The following SLC35F4 variants were observed in gnomAD, a reference collection of about 807,000 sequenced individuals.
SLC35F4 encodes chromosome 14 open reading frame 36.
SLC35F4 carries 24 observed loss-of-function variants against 44.2 expected under a neutral mutation model. The ratio of observed to expected loss-of-function variants is 0.54; its 90% CI spans 0.39 to 0.76. The LOEUF (loss-of-function observed/expected upper bound fraction) is 0.76, where lower values mean the gene tolerates loss of function less well. SLC35F4 is among the 30% of genes least tolerant of loss of function. The probability of loss-of-function intolerance (pLI) is 0.00; values close to 1 mark genes in which losing one functional copy is unlikely to be tolerated. For missense variants in SLC35F4, 562 were observed against 586.1 expected (o/e 0.96, Z 0.42); for synonymous variants, 238 against 223.6 (o/e 1.06, Z -0.57).
At chr14:57,856,101 G>A (rs895064721) in intron 1 of SLC35F4, among the ~76,000 whole-genome samples, 23 of 151,894 alleles carry the variant, frequency 1.5e-4, no homozygotes, top group African/African-American at 5.6e-4. Flanking sequence ...CCGCCTCCCA[G>A]GTTCAAGTGA....
chr14:57,709,293 G>A (rs1450487637), intron 1 of SLC35F4, among the ~76,000 whole-genome samples: 2 of 152,184 alleles, frequency 1.3e-5, no homozygotes, highest in African/African-American at 4.8e-5. Context: ...ATTACCGCTA[G>A]ACCAAGGAGC....
At chr14:57,906,785 T>C (rs971845013) in intron 1 of SLC35F4, among the ~76,000 whole-genome samples, 3 of 152,238 alleles carry the variant, frequency 2.0e-5, no homozygotes. Context: ...AAAAATTATA[T>C]GTATTTGGAA....
At chr14:57,736,799 C>G (rs953452459) in intron 1 of SLC35F4, among the ~76,000 whole-genome samples, 2 of 152,178 alleles carry the variant, frequency 1.3e-5, no homozygotes, top group African/African-American at 4.8e-5. Context: ...TTGGCTACTG[C>G]TAACCAGTGA....
intron 1 of SLC35F4, among the ~76,000 whole-genome samples, chr14:57,774,922 T>G (rs1488642811): frequency 6.6e-6 from 1 of 151,856 alleles, no homozygotes; most frequent in Non-Finnish European, 1.5e-5. Context: ...GCTGCCAGCA[T>G]AAGTGCACTC....
intron 1 of SLC35F4, among the ~76,000 whole-genome samples, chr14:57,857,552 C>T (rs1452460351): frequency 2.0e-5 from 3 of 151,864 alleles, no homozygotes; most frequent in South Asian, 2.1e-4. Context: ...ATATTTCATT[C>T]GTTAGCACAA....
At chr14:57,740,050 G>C (rs1466658046) in intron 1 of SLC35F4, among the ~76,000 whole-genome samples, 1 of 152,044 alleles carries the variant, frequency 6.6e-6, no homozygotes, top group Non-Finnish European at 1.5e-5. Context: ...AGTACAGATG[G>C]GGTTTCGTCA....
intron 1 of SLC35F4, among the ~76,000 whole-genome samples, chr14:57,961,875 T>C (rs540046830): frequency 6.6e-6 from 1 of 152,298 alleles, no homozygotes; most frequent in East Asian, 1.9e-4. Context: ...CCCCTGTGGG[T>C]TTTCTCCCTA....
At chr14:57,630,873 T>A in intron 1 of SLC35F4, 1 of 885,478 alleles carries the variant, frequency 1.1e-6, no homozygotes, top group Non-Finnish European at 1.4e-6. Context: ...AAGAGTCCAG[T>A]TTGTTTAATG....
At chr14:57,671,166 G>T (rs1376095709) in intron 1 of SLC35F4, among the ~76,000 whole-genome samples, 1 of 151,988 alleles carries the variant, frequency 6.6e-6, no homozygotes, top group Non-Finnish European at 1.5e-5. Flanking sequence ...TAGGCTGCAG[G>T]TGCCCATCCT....
upstream of SLC35F4, among the ~76,000 whole-genome samples, chr14:57,982,774 CTT>C (rs1468420894): frequency 6.6e-6 from 1 of 152,084 alleles, no homozygotes; most frequent in African/African-American, 2.4e-5. Context: ...TGCCTGCACT[CTT>C]ATTTAAATGA....
intron 1 of SLC35F4, among the ~76,000 whole-genome samples, chr14:57,969,918 G>C (rs138776482): frequency 1.3e-5 from 2 of 152,222 alleles, no homozygotes; most frequent in East Asian, 1.9e-4. Context: ...ATTTTCACTG[G>C]GAGCCCCCAC....
At chr14:57,736,585 G>C (rs914542369) in intron 1 of SLC35F4, among the ~76,000 whole-genome samples, 2 of 152,162 alleles carry the variant, frequency 1.3e-5, no homozygotes, top group African/African-American at 4.8e-5. Context: ...CAAGGCCCAG[G>C]AGGCAGCTGA....
At chr14:57,791,861 G>A (rs1344441030) in intron 1 of SLC35F4, among the ~76,000 whole-genome samples, 1 of 151,916 alleles carries the variant, frequency 6.6e-6, no homozygotes, top group African/African-American at 2.4e-5. Context: ...AACTGACACA[G>A]GAACAGAAAA....
chr14:57,738,393 A>C (rs71414168), intron 1 of SLC35F4, among the ~76,000 whole-genome samples: 18,629 of 151,854 alleles, frequency 0.12, 1,358 homozygotes, highest in South Asian at 0.19. Flanking sequence ...ACTTCCCAGG[A>C]CCTGACTACC....
chr14:57,714,636 T>C (rs576323519), intron 1 of SLC35F4, among the ~76,000 whole-genome samples: 2 of 152,132 alleles, frequency 1.3e-5, no homozygotes, highest in African/African-American at 4.8e-5. Context: ...ATTCAGCAAA[T>C]ACCTACTGAA....
chr14:57,791,332 A>G (rs760473852), intron 1 of SLC35F4, among the ~76,000 whole-genome samples: 1 of 151,940 alleles, frequency 6.6e-6, no homozygotes, highest in Non-Finnish European at 1.5e-5. Flanking sequence ...AAAGGATATG[A>G]ACACTTTTCA....
chr14:57,957,578 T>C (rs55646473), intron 1 of SLC35F4, among the ~76,000 whole-genome samples: 15,852 of 152,208 alleles, frequency 0.1, 1,480 homozygotes, highest in African/African-American at 0.24. Context: ...GTGGAAATTT[T>C]CAATTGCCCA....
intron 1 of SLC35F4, among the ~76,000 whole-genome samples, chr14:57,655,631 C>G (rs552624248): frequency 1.3e-5 from 2 of 152,178 alleles, no homozygotes; most frequent in African/African-American, 4.8e-5. Context: ...CCATGCTTAC[C>G]GTCCTGTCCC....
chr14:57,667,259 A>T lies in SLC35F4; in HGVS notation c.104-73135T>A, dbSNP rs952729922. On this transcript the variant is annotated intron_variant, in intron 1 of 7. Coordinates refer to ENST00000556826, the MANE Select transcript of SLC35F4 (RefSeq NM_001306087.2). ...GACATGTTCTGCTGGGTCACACTGC[A>T]TATACTGCCAAACGTTTTTAAAGGG... Among the ~76,000 whole-genome samples, 18 of 152,014 alleles carry T rather than the reference A, an allele frequency of 1.2e-4. 1 individual carries two copies. The highest frequency in any genetic ancestry group is 4.4e-4 in the African/African-American group (18 of 41,310).
Sources: allele counts gnomAD v4.1 joint callset (sites outside exome capture counted in the v4.1 genomes callset), GRCh38; gene constraint gnomAD v4.1.1; transcripts MANE v1.5; gene names NCBI Gene and HGNC (gene_info 2026-07-23, HGNC 2026-07-21).